Variants in ZC3H12B observed in about 807,000 individuals in gnomAD.
The protein encoded by ZC3H12B is zinc finger CCCH-type containing 12B.
ZC3H12B carries 7 observed loss-of-function variants against 43.9 expected under a neutral mutation model. The ratio of observed to expected loss-of-function variants is 0.16; its 90% CI spans 0.09 to 0.30. ZC3H12B has a LOEUF of 0.30. Among genes scored for constraint, ZC3H12B ranks in the 10% least tolerant of loss-of-function variants. The pLI is 1.00. For missense variants in ZC3H12B, 475 were observed against 670.2 expected, an observed-to-expected ratio of 0.71 and a Z score of 3.22; for synonymous variants, 222 against 241.7, an observed-to-expected ratio of 0.92 and a Z score of 0.76.
the ZC3H12B span, among the ~76,000 whole-genome samples, chrX:65,259,759 G>T: frequency 8.9e-6 from 1 of 111,909 alleles, no homozygotes; most frequent in African/African-American, 3.2e-5. Flanking sequence ...ATACGAAAAA[G>T]ATGCTTGCAC....
At chrX:65,309,637 C>T in the ZC3H12B span, among the ~76,000 whole-genome samples, 1 of 112,123 alleles carries the variant, frequency 8.9e-6, no homozygotes, top group Non-Finnish European at 1.9e-5. Flanking sequence ...CTCTCTAACT[C>T]ATTTTATGAT....
intron 3 of ZC3H12B, among the ~76,000 whole-genome samples, chrX:65,473,993 G>A (rs780231434): frequency 1.8e-5 from 2 of 111,451 alleles, no homozygotes; most frequent in Non-Finnish European, 3.8e-5. Flanking sequence ...CATTTGTTTT[G>A]TAATGTTTTT....
chrX:65,397,126 G>A, intron 2 of ZC3H12B, among the ~76,000 whole-genome samples: 1 of 111,361 alleles, frequency 9.0e-6, no homozygotes. Flanking sequence ...CCTCAATACT[G>A]CACACCGATG....
intron 3 of ZC3H12B, among the ~76,000 whole-genome samples, chrX:65,399,931 A>C (rs1162371591): frequency 9.0e-6 from 1 of 111,574 alleles, no homozygotes; most frequent in Non-Finnish European, 1.9e-5. Flanking sequence ...GCCAGGCAGA[A>C]AGACAAATAT....
At chrX:65,374,024 A>G (rs1401121573) in intron 2 of ZC3H12B, among the ~76,000 whole-genome samples, 1 of 59,401 alleles carries the variant, frequency 1.7e-5, no homozygotes, top group East Asian at 4.9e-4. Flanking sequence ...TATATACAGT[A>G]TATATATAAC....
the ZC3H12B span, among the ~76,000 whole-genome samples, chrX:65,167,453 G>T: frequency 8.9e-6 from 1 of 111,774 alleles, no homozygotes; most frequent in Non-Finnish European, 1.9e-5. Context: ...TAGCCTTGTA[G>T]TGTAGTTTGA....
chrX:65,117,129 T>C, the ZC3H12B span, among the ~76,000 whole-genome samples: 12 of 111,820 alleles, frequency 1.1e-4, no homozygotes, highest in African/African-American at 1.6e-4. Flanking sequence ...CTTGAGGAAT[T>C]GCCACACTGT....
At chrX:65,409,856 A>G (rs1417436052) in intron 3 of ZC3H12B, among the ~76,000 whole-genome samples, 1 of 111,484 alleles carries the variant, frequency 9.0e-6, no homozygotes, top group Non-Finnish European at 1.9e-5. Context: ...ATCTATTAGA[A>G]GAATCAATAT....
the ZC3H12B span, among the ~76,000 whole-genome samples, chrX:65,216,398 G>A: frequency 2.7e-5 from 3 of 111,288 alleles, no homozygotes; most frequent in African/African-American, 9.8e-5. Context: ...GCAGAACTTT[G>A]CTGGTGTCCA....
intron 2 of ZC3H12B, among the ~76,000 whole-genome samples, chrX:65,369,750 C>T (rs1218087724): frequency 9.0e-6 from 1 of 111,394 alleles, no homozygotes; most frequent in East Asian, 2.8e-4. Flanking sequence ...TAAGTGAGAA[C>T]CAAAATTTCC....
chrX:65,315,010 T>C, the ZC3H12B span, among the ~76,000 whole-genome samples: 46 of 111,433 alleles, frequency 4.1e-4, 1 homozygote, highest in African/African-American at 1.4e-3. Flanking sequence ...GCAAAAAATC[T>C]AATTAATTGA....
chrX:65,153,244 A>T, the ZC3H12B span, among the ~76,000 whole-genome samples: 1 of 112,213 alleles, frequency 8.9e-6, no homozygotes, highest in African/African-American at 3.2e-5. Context: ...GGATCTAATT[A>T]AACTAAAGAG....
upstream of ZC3H12B, among the ~76,000 whole-genome samples, chrX:65,362,362 T>C: frequency 1.8e-5 from 2 of 111,475 alleles, no homozygotes; most frequent in Non-Finnish European, 3.8e-5. Context: ...ACGGCCAGGC[T>C]TCTAAACCTC....
chrX:65,223,878 T>G, the ZC3H12B span, among the ~76,000 whole-genome samples: 33 of 112,326 alleles, frequency 2.9e-4, 1 homozygote, highest in East Asian at 8.9e-3. Context: ...ACAACCACTA[T>G]GGAAAACAGA....
At chrX:65,375,676 C>T (rs1433667135) in intron 2 of ZC3H12B, among the ~76,000 whole-genome samples, 1 of 111,139 alleles carries the variant, frequency 9.0e-6, no homozygotes, top group Non-Finnish European at 1.9e-5. Flanking sequence ...GATGACATTT[C>T]TAGATACATC....
At chrX:65,108,066 C>A in the ZC3H12B span, among the ~76,000 whole-genome samples, 2 of 110,894 alleles carry the variant, frequency 1.8e-5, no homozygotes, top group African/African-American at 3.3e-5. Flanking sequence ...AAATGGTACA[C>A]CTGTATTTGA....
At chrX:65,125,488 G>T in the ZC3H12B span, among the ~76,000 whole-genome samples, 1 of 111,489 alleles carries the variant, frequency 9.0e-6, no homozygotes, top group Non-Finnish European at 1.9e-5. Context: ...TATCTGTTAA[G>T]TCCATTTGTT....
At chrX:65,456,318 G>A (rs1429385554) in intron 3 of ZC3H12B, among the ~76,000 whole-genome samples, 5 of 107,885 alleles carry the variant, frequency 4.6e-5, no homozygotes, top group East Asian at 5.9e-4. Context: ...AAAAAGGCAG[G>A]GGTTGCAATC....
In ZC3H12B at chrX:65,408,118, G is replaced by C. The variant is rs941694678; in HGVS notation, n.407+9414G>C. 1.1e-5 allele frequency: 13 copies of C among 1,198,168 alleles called. No individual in the cohort carries two copies. The Admixed American group carries it at 2.0e-4, about 19-fold the overall frequency. On this transcript the variant is annotated intron_variant and non_coding_transcript_variant, in intron 3 of 5. Transcript: ENST00000617377. ...AGAGCCGGCACCCGACGCCGCACCA[G>C]GCTGCAGGCCAGCCCTTCAAGTTCA...
Sources: allele counts gnomAD v4.1 joint callset (sites outside exome capture counted in the v4.1 genomes callset), GRCh38; gene constraint gnomAD v4.1.1; transcripts MANE v1.5; gene names NCBI Gene and HGNC (gene_info 2026-07-23, HGNC 2026-07-21).